The following SMUG1 variants were observed in gnomAD, a reference collection of about 807,000 sequenced individuals.
SMUG1 encodes single-strand-selective monofunctional uracil-DNA glycosylase 1.
In SMUG1, 13 loss-of-function variants were observed where a neutral mutation model predicts 23.9. That is an observed-to-expected ratio of 0.54 (90% CI 0.35 to 0.86). The LOEUF is 0.86. Among genes scored for constraint, SMUG1 ranks in the 40% least tolerant of loss-of-function variants. The pLI, the probability that SMUG1 is intolerant of heterozygous loss-of-function variation, is 0.01. For missense variants in SMUG1, 313 were observed against 339.5 expected (o/e 0.92, Z 0.61); for synonymous variants, 133 against 139.8 (o/e 0.95, Z 0.34).
In SMUG1 at chr12:54,182,564, C is replaced by A; in HGVS notation, c.345G>T (p.Leu115=). 1.2e-5 allele frequency: 20 copies of A among 1,614,152 alleles called. No homozygotes were observed. Among genetic ancestry groups the A allele is most frequent in the Non-Finnish European group, 1.5e-5 (18 of 1,180,024 alleles). ...RDWLGIVGPV[L]TPPQEHPKRP... The stretch of plus-strand genomic sequence containing the variant: ...GTTTAGGATGCTCTTGGGGAGGGGT[C>A]AGCACAGGCCCCACAATGCCCAACC... Residue 115 remains leucine, a synonymous_variant, in exon 4 of 4, where the codon CTG becomes CTT. Transcript: ENST00000682136.
At chr12:54,165,435 GCCAAGGCAAGAGGATA>G (rs1940424317) in exon 4 of SMUG1, 2 of 152,188 alleles carry the variant, frequency 1.3e-5, no homozygotes, top group South Asian at 2.1e-4. Flanking sequence ...ATTTAGGGAG[GCCAAGGCAAGAGGATA>G]GCTTCAGCCC....
intron 3 of SMUG1, among the ~76,000 whole-genome samples, chr12:54,169,941 G>A (rs991424945): frequency 2.0e-5 from 3 of 152,226 alleles, no homozygotes; most frequent in Non-Finnish European, 2.9e-5. Context: ...GCTCATGCCT[G>A]TAATCCCAGC....
intron 4 of SMUG1, among the ~76,000 whole-genome samples, chr12:54,159,090 A>C (rs1021351265): frequency 6.6e-6 from 1 of 151,014 alleles, no homozygotes; most frequent in African/African-American, 2.4e-5. Flanking sequence ...CACCCTCCTC[A>C]CCCTAGGGCA....
downstream of SMUG1, among the ~76,000 whole-genome samples, chr12:54,164,146 G>C (rs1184154522): frequency 3.3e-5 from 5 of 152,026 alleles, no homozygotes; most frequent in Non-Finnish European, 7.4e-5. Context: ...CTTCCAGCCA[G>C]AAAGAGAGTA....
chr12:54,172,466 G>A (rs995620661), intron 2 of SMUG1: 2 of 183,708 alleles, frequency 1.1e-5, no homozygotes, highest in African/African-American at 4.6e-5. Context: ...GTGAACTGAA[G>A]AGGAAACAAT....
chr12:54,166,159 G>C (rs562638640), intron 3 of SMUG1, among the ~76,000 whole-genome samples: 2 of 152,276 alleles, frequency 1.3e-5, no homozygotes, highest in South Asian at 2.1e-4. Context: ...TCAGGAGTTC[G>C]AGACCAGCCT....
intron 2 of SMUG1, 119 bp from the exon 3 acceptor site, chr12:54,184,078 G>A: frequency 1.2e-6 from 1 of 814,344 alleles, no homozygotes; most frequent in Non-Finnish European, 1.8e-6. Flanking sequence ...AAGAGACCAT[G>A]TCAGTCATCT....
chr12:54,184,018 C>A (rs991181104), intron 2 of SMUG1, 59 bp from the exon 3 acceptor site: 1 of 1,376,998 alleles, frequency 7.3e-7, no homozygotes. Context: ...AGGAGGGATC[C>A]ATGCTTGCCA....
chr12:54,168,673 A>C (rs1373125249), intron 3 of SMUG1: 1 of 152,188 alleles, frequency 6.6e-6, no homozygotes, highest in Non-Finnish European at 1.5e-5. Flanking sequence ...CAGACTGCAG[A>C]GGATGAGATG....
intron 3 of SMUG1, among the ~76,000 whole-genome samples, chr12:54,170,744 G>T (rs1224666003): frequency 6.6e-6 from 1 of 151,992 alleles, no homozygotes; most frequent in Non-Finnish European, 1.5e-5. Context: ...CTACAGGTGC[G>T]TGCCACCACA....
At chr12:54,174,740 G>T (rs1327220551) in intron 2 of SMUG1, among the ~76,000 whole-genome samples, 1 of 152,236 alleles carries the variant, frequency 6.6e-6, no homozygotes, top group Non-Finnish European at 1.5e-5. Flanking sequence ...CCTCCTGCAA[G>T]CCAGGACTAG....
intron 3 of SMUG1, among the ~76,000 whole-genome samples, chr12:54,167,133 T>C (rs2136536337): frequency 6.6e-6 from 1 of 152,274 alleles, no homozygotes; most frequent in Middle Eastern, 3.4e-3. Flanking sequence ...CGGACATTCC[T>C]AGGCAGCTGG....
At position 54,181,695 on chromosome 12, in the gene SMUG1, T is replaced by G. The variant is rs750092921; in HGVS notation, c.*401A>C. 1.9e-6 allele frequency: 3 copies of G among 1,568,998 alleles called. No homozygotes were observed. In the African/African-American group the frequency reaches 4.0e-5, roughly 21 times the overall value. The stretch of plus-strand genomic sequence containing the variant: ...AAGGTAACTGTTCTATAAGGATGGG[T>G]AGGTATCCTGGCAAGATATTTCCTC... On this transcript the variant is annotated 3_prime_UTR_variant, in exon 4 of 4. Coordinates refer to ENST00000682136, the MANE Select transcript of SMUG1 (RefSeq NM_001243787.2).
chr12:54,179,579 C>T (rs1166314436), downstream of SMUG1, among the ~76,000 whole-genome samples: 2 of 152,182 alleles, frequency 1.3e-5, no homozygotes, highest in Non-Finnish European at 2.9e-5. Context: ...AAGTTCAATA[C>T]TGTAATGCAA....
rs1940942761 is a variant in SMUG1, at chr12:54,180,720, T to C, written c.*1376A>G. The C allele has an allele frequency of 6.6e-6, 1 of 152,228 alleles. No individual in the cohort carries two copies. The highest frequency in any genetic ancestry group is 2.4e-5 in the African/African-American group (1 of 41,424). The allele number at this position is 152,228 out of a possible 1,614,324, so 9.4% of individuals were successfully genotyped here. A position where few individuals can be genotyped will look rare whatever the true frequency, so the allele number is the denominator to read the frequency against. On this transcript the variant is annotated 3_prime_UTR_variant, in exon 4 of 4. Transcript: ENST00000682136. ...TTTGGTAAGGCAATTGGAGATCTGC[T>C]ACATCCAGCCAGGCAGCAGCACTTT...
chr12:54,173,111 G>A (rs1369840256), intron 2 of SMUG1: 1 of 153,410 alleles, frequency 6.5e-6, no homozygotes, highest in Non-Finnish European at 1.5e-5. Flanking sequence ...ATGATACGGT[G>A]ATACAGAGAG....
At chr12:54,161,242 C>T (rs1457987829), downstream of SMUG1, among the ~76,000 whole-genome samples, 1 of 151,868 alleles carries the variant, frequency 6.6e-6, no homozygotes, top group East Asian at 1.9e-4. This position sits in a 1 kb window ranked among gnomAD's most constrained non-coding sequence, Gnocchi z 4.2. Flanking sequence ...GTGTGTTTCT[C>T]GGCGCGCAAA....
At chr12:54,188,841 GGACCCCAA>G (rs1168399840) in intron 1 of SMUG1, 102 bp downstream of exon 1, 19 of 151,978 alleles carry the variant, frequency 1.3e-4, no homozygotes, top group African/African-American at 3.9e-4. Flanking sequence ...ACGGAGGGAG[GGACCCCAA>G]AATATAGAAA....
At position 54,182,605 on chromosome 12, in the gene SMUG1, T is replaced by C; in HGVS notation, c.304A>G (p.Ser102Gly). 6.2e-7 allele frequency: 1 copy of C among 1,610,052 alleles called. No individual in the cohort carries two copies. Among genetic ancestry groups the C allele is most frequent in the Non-Finnish European group, 8.5e-7 (1 of 1,177,620 alleles). Residue 102 changes from serine to glycine, a missense_variant, in exon 4 of 4, where the codon AGC becomes GGC. Physicochemically the swap from Ser to Gly is moderately conservative, Grantham distance 56 (BLOSUM62 0). Transcript: ENST00000682136. ...ATGCCCAACCAGTCCCGGACCATGC[T>C]TACTTCCCCAAAGGGCACCTGTGAG... ...AQTGVPFGEVSMVRDWLGIVG... is the reference protein window; with the variant it reads ...AQTGVPFGEVGMVRDWLGIVG...
Sources: gnomAD v4.1 joint callset for allele counts (sites outside exome capture counted in the v4.1 genomes callset) on GRCh38, gnomAD v4.1.1 for gene constraint, Gnocchi (gnomAD v3.1) non-coding constraint, MANE v1.5 for transcripts, NCBI Gene and HGNC (gene_info 2026-07-23, HGNC 2026-07-21) for gene names.